The following UBA7 variants were observed in gnomAD, a reference collection of about 807,000 sequenced individuals.
The protein encoded by UBA7 is ubiquitin-like modifier-activating enzyme 7.
In UBA7, 88 loss-of-function variants were observed where a neutral mutation model predicts 113.0. The ratio of observed to expected loss-of-function variants is 0.78; its 90% CI spans 0.66 to 0.93. The LOEUF (loss-of-function observed/expected upper bound fraction) is 0.93, where lower values mean the gene tolerates loss of function less well. UBA7 is among the 40% of genes least tolerant of loss of function. The pLI, the probability that UBA7 is intolerant of heterozygous loss-of-function variation, is 0.00. For missense variants in UBA7, 1,092 were observed against 1,266.4 expected (o/e 0.86, Z 2.09); for synonymous variants, 459 against 513.0 (o/e 0.89, Z 1.42).
At chr3:49,811,138 C>T (rs2081538451) in intron 9 of UBA7, 47 bp from the exon 10 acceptor site, 1 of 1,607,980 alleles carries the variant, frequency 6.2e-7, no homozygotes, top group Admixed American at 1.7e-5. Context: ...CTCCTGACCC[C>T]CCTCAGATCC....
In UBA7 at chr3:49,810,153, T is replaced by G. The variant is rs142469290; in HGVS notation, c.1664A>C (p.Tyr555Ser). The change falls in exon 14 of 24, where the codon TAT (tyrosine) becomes TCT (serine). Residue 555 changes from tyrosine (Y) to serine (S), a missense_variant. Transcript: ENST00000333486. This position sits in a 1 kb window ranked among gnomAD's most constrained non-coding sequence, Gnocchi z 5.6. ...RRYVAARCTH[Y>S]LKPLLEAGTS... The stretch of plus-strand genomic sequence containing the variant: ...GCCTGCCTCCAGCAGTGGCTTCAGA[T>G]AGTGGGTGCAACGAGCAGCCACATA... The G allele has an allele frequency of 4.3e-6, 7 of 1,613,038 alleles. No individual in the cohort carries two copies. Among genetic ancestry groups the G allele is most frequent in the Non-Finnish European group, 5.9e-6 (7 of 1,179,984 alleles).
intron 21 of UBA7, among the ~76,000 whole-genome samples, chr3:49,806,885 G>A (rs2081462038): frequency 6.6e-6 from 1 of 152,132 alleles, no homozygotes; most frequent in African/African-American, 2.4e-5. Flanking sequence ...GCTGGTTAGA[G>A]GCAGGGTGCC....
chr3:49,813,221 C>T (rs2081577686), intron 3 of UBA7, 28 bp downstream of exon 3: 1 of 1,613,620 alleles, frequency 6.2e-7, no homozygotes, highest in South Asian at 1.1e-5. Flanking sequence ...GCCCTTCCTG[C>T]TCTTGAGGGC....
intron 8 of UBA7, 69 bp from the exon 9 acceptor site, chr3:49,811,524 C>T: frequency 4.6e-6 from 7 of 1,535,736 alleles, no homozygotes; most frequent in Non-Finnish European, 5.3e-6. Context: ...ATCCTTCCAG[C>T]CACCCTCCAT....
chr3:49,807,712 A>G lies in UBA7; in HGVS notation c.2715+24T>C. 6.3e-7 allele frequency: 1 copy of G among 1,585,988 alleles called. No homozygotes were observed. Among genetic ancestry groups the G allele is most frequent in the Non-Finnish European group, 8.6e-7 (1 of 1,165,416 alleles). On this transcript the variant is annotated intron_variant, in intron 21 of 23. Transcript: ENST00000333486. The surrounding 1 kb of genome is among the most constrained non-coding windows in gnomAD (Gnocchi z 4.0). ...GGGGAAACCCAGGCCTAGTAGGGCT[A>G]AGGGTGGGGTATCATGGGCTCACCG...
At chr3:49,808,135 G>A in intron 19 of UBA7, 23 bp from the exon 20 acceptor site, 1 of 1,612,662 alleles carries the variant, frequency 6.2e-7, no homozygotes, top group Non-Finnish European at 8.5e-7. Flanking sequence ...AGTCAAAGTA[G>A]TGTTAACACT....
chr3:49,810,157 G>A lies in UBA7; in HGVS notation c.1660C>T (p.His554Tyr). 6.2e-7 allele frequency: 1 copy of A among 1,613,130 alleles called. No homozygotes were observed. The highest frequency in any genetic ancestry group is 1.1e-5 in the South Asian group (1 of 91,088). ...GCCTCCAGCAGTGGCTTCAGATAGT[G>A]GGTGCAACGAGCAGCCACATAGCGC... ...ARRYVAARCT[H>Y]YLKPLLEAGT... Residue 554 changes from histidine to tyrosine, a missense_variant, in exon 14 of 24, where the codon CAC becomes TAC. This residue lies in a region of UBA7 where 584 missense variants were observed against 714.5 expected (regional missense o/e 0.82). Coordinates refer to ENST00000333486, the MANE Select transcript of UBA7 (RefSeq NM_003335.3). The surrounding 1 kb of genome is among the most constrained non-coding windows in gnomAD (Gnocchi z 5.6).
chr3:49,805,523 C>T, intron 23 of UBA7, 86 bp from the exon 24 acceptor site: 2 of 1,302,696 alleles, frequency 1.5e-6, no homozygotes, highest in South Asian at 2.4e-5. Context: ...AGGGTGCTGG[C>T]AGGCCGTCAG....
chr3:49,811,734 A>G (rs1384213034), intron 8 of UBA7, 136 bp downstream of exon 8: 2 of 1,456,420 alleles, frequency 1.4e-6, no homozygotes, highest in Admixed American at 2.0e-5. Context: ...TGGCACTTCC[A>G]TGGAACCAGT....
Position 49,808,957 on chromosome 3 carries a change from C to T in UBA7, c.2347+19G>A, listed in dbSNP as rs754779890. On this transcript the variant is annotated intron_variant, in intron 18 of 23. Transcript: ENST00000333486. ...GGCCTTTGAAAGACAGCATGAGGGG[C>T]CAGGGCCAGGAGCCTCACCAAACTC... 1 of 1,609,860 alleles carries T rather than the reference C, an allele frequency of 6.2e-7. No individual in the cohort carries two copies. The highest frequency in any genetic ancestry group is 1.1e-5 in the South Asian group (1 of 90,498).
intron 18 of UBA7, 94 bp downstream of exon 18, chr3:49,808,882 C>T (rs2081496746): frequency 6.8e-7 from 1 of 1,473,472 alleles, no homozygotes; most frequent in Admixed American, 2.3e-5. Context: ...TGTAGATCCC[C>T]TAGGCCCTAT....
chr3:49,811,168 G>A, intron 9 of UBA7, 77 bp from the exon 10 acceptor site: 1 of 1,597,246 alleles, frequency 6.3e-7, no homozygotes, highest in Non-Finnish European at 8.6e-7. Flanking sequence ...GCTTCACCCA[G>A]GTTGGTGAAG....
Position 49,813,543 on chromosome 3 carries a change from A to G in UBA7, c.161T>C (p.Met54Thr). 1 of 1,614,038 alleles carries G rather than the reference A, an allele frequency of 6.2e-7. No individual in the cohort carries two copies. The change falls in exon 2 of 24, where the codon ATG becomes ACG. Residue 54 changes from methionine (M) to threonine (T), a missense_variant. Physicochemically the swap from Met to Thr is moderately conservative, Grantham distance 81. Around this residue, in one of 3 missense-constraint regions of UBA7, gnomAD observed 584 missense variants for 714.5 expected, o/e 0.82. Coordinates refer to ENST00000333486, the MANE Select transcript of UBA7 (RefSeq NM_003335.3). ...GAEVAKNLVL[M>T]GVGSLTLHDP... ...ATGCAGAGTGAGGCTGCCCACACCC[A>G]TCAGAACCAAGTTCTTGGCCACCTC...
chr3:49,812,333 C>A, intron 6 of UBA7, 75 bp downstream of exon 6: 1 of 1,610,724 alleles, frequency 6.2e-7, no homozygotes, highest in Admixed American at 1.7e-5. Flanking sequence ...AAAAACCCAT[C>A]CCAAGGGCCA....
At chr3:49,806,213 C>G in intron 21 of UBA7, 48 bp from the exon 22 acceptor site, 1 of 1,493,816 alleles carries the variant, frequency 6.7e-7, no homozygotes, top group Non-Finnish European at 9.1e-7. Flanking sequence ...CTCCCCCCAA[C>G]CCCCATCCCA....
Position 49,805,273 on chromosome 3 carries a change from G to C in UBA7, c.*35C>G. 1 of 1,596,622 alleles carries C rather than the reference G, an allele frequency of 6.3e-7. No individual in the cohort carries two copies. On this transcript the variant is annotated 3_prime_UTR_variant, in exon 24 of 24. Transcript: ENST00000333486. ...TACAATGCAGGGCTTGGGATCCGGGGCTCCATTGAGCTAGGTGACAGGGTG... is the reference window on the plus strand; with the variant it reads ...TACAATGCAGGGCTTGGGATCCGGGCCTCCATTGAGCTAGGTGACAGGGTG...
chr3:49,811,532 C>G (rs2081547351), intron 8 of UBA7, 77 bp from the exon 9 acceptor site: 2 of 1,527,696 alleles, frequency 1.3e-6, no homozygotes. Context: ...AGCCACCCTC[C>G]ATCCACCCTG....
Position 49,812,440 on chromosome 3 carries a change from T to C in UBA7, c.662A>G (p.Asn221Ser). Residue 221 changes from asparagine (N) to serine (S), a missense_variant, in exon 6 of 24, where the codon AAC becomes AGC. By Grantham distance (46) the Asn-to-Ser change is conservative. Coordinates refer to ENST00000333486, the MANE Select transcript of UBA7 (RefSeq NM_003335.3). ...GTGGATAGACCGGGGATCACAGTCG[T>C]TGAGCTCAACCATTCCCTCAATTCC... ...FSGIEGMVELNDCDPRSIHVR... is the reference protein window; with the variant it reads ...FSGIEGMVELSDCDPRSIHVR... 6.2e-7 allele frequency: 1 copy of C among 1,614,194 alleles called. No homozygotes were observed. Among genetic ancestry groups the C allele is most frequent in the Non-Finnish European group, 8.5e-7 (1 of 1,180,016 alleles).
rs1356892484 is a variant in UBA7, at chr3:49,807,386, ACT to A, written c.2715+348_2715+349del. Among the ~76,000 whole-genome samples the A allele has an allele frequency of 6.6e-6, 1 of 151,856 alleles. No homozygotes were observed. The highest frequency in any genetic ancestry group is 1.5e-5 in the Non-Finnish European group (1 of 67,930). ...CCCGTACCATGCAGGGGGAAGCTAG[ACT>A]CTTTCTGGGGCTGATGCCCTGGTCC... On this transcript the variant is annotated intron_variant, in intron 21 of 23. Transcript: ENST00000333486. This position sits in a 1 kb window ranked among gnomAD's most constrained non-coding sequence, Gnocchi z 4.0.
Sources: gnomAD v4.1 joint callset for allele counts (sites outside exome capture counted in the v4.1 genomes callset) on GRCh38, gnomAD v4.1.1 for gene constraint, gnomAD v4.1.1 regional missense constraint, Gnocchi (gnomAD v3.1) non-coding constraint, MANE v1.5 for transcripts, NCBI Gene and HGNC (gene_info 2026-07-23, HGNC 2026-07-21) for gene names.